The following IGSF11 variants were observed in gnomAD, a reference collection of about 807,000 sequenced individuals.
IGSF11 encodes the protein immunoglobulin superfamily member 11, also known as CXADR like 1.
A neutral mutation model predicts 41.0 loss-of-function variants in IGSF11; 22 were observed. The ratio of observed to expected loss-of-function variants is 0.54; its 90% CI spans 0.38 to 0.77. IGSF11 has a LOEUF of 0.77. Ranked by LOEUF, IGSF11 falls within the 30% of genes least tolerant of loss-of-function variation. The pLI, the probability that IGSF11 is intolerant of heterozygous loss-of-function variation, is 0.00. For missense variants in IGSF11, 444 were observed against 530.8 expected (o/e 0.84, Z 1.61); for synonymous variants, 219 against 201.3 (o/e 1.09, Z -0.74).
chr3:119,115,189 A>G (rs931114283), intron 1 of IGSF11, among the ~76,000 whole-genome samples: 5 of 152,224 alleles, frequency 3.3e-5, no homozygotes, highest in Admixed American at 2.6e-4. Context: ...GGCTATTGTA[A>G]ATAGTGCTGC....
chr3:119,045,731 C>A (rs965101722), intron 1 of IGSF11, among the ~76,000 whole-genome samples: 1 of 152,042 alleles, frequency 6.6e-6, no homozygotes, highest in African/African-American at 2.4e-5. Context: ...CCTCTGCACA[C>A]TTAAATGTCC....
chr3:119,118,673 G>GA (rs1559878506), intron 1 of IGSF11, among the ~76,000 whole-genome samples: 2 of 151,880 alleles, frequency 1.3e-5, no homozygotes, highest in African/African-American at 2.4e-5. Flanking sequence ...TTTCTGCTCA[G>GA]AAAAAAAATG....
At chr3:119,100,540 T>A (rs900302924) in intron 1 of IGSF11, among the ~76,000 whole-genome samples, 9 of 152,242 alleles carry the variant, frequency 5.9e-5, no homozygotes, top group African/African-American at 2.2e-4. Flanking sequence ...ACAAAATTGA[T>A]CTACTATTCA....
chr3:118,956,165 G>C (rs535085982), intron 1 of IGSF11, among the ~76,000 whole-genome samples: 1 of 152,180 alleles, frequency 6.6e-6, no homozygotes, highest in South Asian at 2.1e-4. Flanking sequence ...AAAAAAATTA[G>C]GGCACTGCTC....
At chr3:119,028,255 A>C (rs1940014714) in intron 1 of IGSF11, among the ~76,000 whole-genome samples, 1 of 152,216 alleles carries the variant, frequency 6.6e-6, no homozygotes, top group African/African-American at 2.4e-5. Context: ...GGAAATACAT[A>C]GACTTCAGGA....
intron 1 of IGSF11, among the ~76,000 whole-genome samples, chr3:119,028,214 G>T (rs562373239): frequency 2.0e-5 from 3 of 152,256 alleles, no homozygotes; most frequent in South Asian, 4.2e-4. Flanking sequence ...GTCCATAAGG[G>T]TATAAATCAT....
chr3:119,022,168 T>C (rs1559803990), intron 1 of IGSF11, among the ~76,000 whole-genome samples: 1 of 152,142 alleles, frequency 6.6e-6, no homozygotes, highest in Non-Finnish European at 1.5e-5. Flanking sequence ...CTAAGTGAAA[T>C]AAGCCAGACA....
chr3:119,015,189 C>T (rs926152701), intron 1 of IGSF11, among the ~76,000 whole-genome samples: 5 of 152,202 alleles, frequency 3.3e-5, no homozygotes, highest in Non-Finnish European at 5.9e-5. Flanking sequence ...TGGGTCCACA[C>T]ATCTTTCCTA....
At chr3:119,021,756 T>C (rs1373530868) in intron 1 of IGSF11, among the ~76,000 whole-genome samples, 2 of 152,138 alleles carry the variant, frequency 1.3e-5, no homozygotes, top group African/African-American at 2.4e-5. Context: ...GAAATATCTT[T>C]ATGACATTGA....
chr3:118,913,445 C>G (rs1576343144), intron 4 of IGSF11, among the ~76,000 whole-genome samples: 2 of 152,292 alleles, frequency 1.3e-5, no homozygotes, highest in Admixed American at 1.3e-4. Flanking sequence ...ACACAAATGC[C>G]TACAGACTAC....
At chr3:119,140,410 C>T (rs2077627886) in intron 1 of IGSF11, among the ~76,000 whole-genome samples, 1 of 152,082 alleles carries the variant, frequency 6.6e-6, no homozygotes, top group Non-Finnish European at 1.5e-5. Context: ...GTCAATCTAT[C>T]AGGTATATAT....
chr3:118,949,477 A>G (rs188463313), intron 1 of IGSF11, among the ~76,000 whole-genome samples: 4 of 152,314 alleles, frequency 2.6e-5, no homozygotes, highest in African/African-American at 4.8e-5. Flanking sequence ...CACTTCAAGA[A>G]TAAGATTCTC....
chr3:119,123,749 C>T (rs2077363876), intron 1 of IGSF11, among the ~76,000 whole-genome samples: 1 of 152,162 alleles, frequency 6.6e-6, no homozygotes, highest in South Asian at 2.1e-4. Context: ...TGGACGTTAT[C>T]CAAGACTGCC....
At chr3:119,037,802 T>C (rs954600103), upstream of IGSF11, among the ~76,000 whole-genome samples, 11 of 152,196 alleles carry the variant, frequency 7.2e-5, no homozygotes, top group African/African-American at 2.6e-4. Flanking sequence ...GAAAGAAAAA[T>C]GATGTAGGGA....
At chr3:119,044,349 C>T (rs1941235348) in intron 1 of IGSF11, among the ~76,000 whole-genome samples, 1 of 151,858 alleles carries the variant, frequency 6.6e-6, no homozygotes, top group Admixed American at 6.6e-5. Flanking sequence ...TTAACCCAAT[C>T]AGACAAGGGT....
intron 1 of IGSF11, among the ~76,000 whole-genome samples, chr3:118,992,640 T>C (rs1935899251): frequency 6.6e-6 from 1 of 152,178 alleles, no homozygotes. Context: ...ACTATAGAAG[T>C]TTGCAGGCCC....
intron 5 of IGSF11, 42 bp downstream of exon 5, chr3:118,905,554 G>A: frequency 6.2e-7 from 1 of 1,609,618 alleles, no homozygotes; most frequent in Non-Finnish European, 8.5e-7. Context: ...AGATCTTAGA[G>A]TTTCAGACCC....
intron 1 of IGSF11, among the ~76,000 whole-genome samples, chr3:118,993,010 G>T (rs1466088861): frequency 6.6e-6 from 1 of 152,178 alleles, no homozygotes; most frequent in African/African-American, 2.4e-5. Flanking sequence ...AGAATTGCTT[G>T]AAGCCAAGAG....
At chr3:119,052,435 AAGGGAGGGAGGGAGGAAGAGAGGGAGGG>A (rs1941663033) in intron 1 of IGSF11, among the ~76,000 whole-genome samples, 2 of 131,458 alleles carry the variant, frequency 1.5e-5, no homozygotes, top group Non-Finnish European at 3.3e-5. Flanking sequence ...AGCAAACAGG[AAGGGAGGGAGGGAGGAAGAGAGGGAGGG>A]AGGGAGGGAA....
Sources: gnomAD v4.1 joint callset for allele counts (sites outside exome capture counted in the v4.1 genomes callset) on GRCh38, gnomAD v4.1.1 for gene constraint, MANE v1.5 for transcripts, NCBI Gene and HGNC (gene_info 2026-07-23, HGNC 2026-07-21) for gene names.